NEK11: variants seen among roughly 807,000 people sequenced by gnomAD.
The protein encoded by NEK11 is serine/threonine-protein kinase Nek11.
In NEK11, 72 loss-of-function variants were observed where a neutral mutation model predicts 80.7. That is an observed-to-expected ratio of 0.89 (90% CI 0.74 to 1.08). NEK11 has a LOEUF of 1.08. NEK11 is among the 50% of genes least tolerant of loss of function. The pLI, the probability that NEK11 is intolerant of heterozygous loss-of-function variation, is 0.00. For missense variants in NEK11, 764 were observed against 763.6 expected (o/e 1.00, Z -0.01); for synonymous variants, 251 against 260.7 (o/e 0.96, Z 0.36).
chr3:131,089,836 C>A (rs1441820126), intron 4 of NEK11, among the ~76,000 whole-genome samples: 1 of 151,014 alleles, frequency 6.6e-6, no homozygotes, highest in African/African-American at 2.4e-5. Context: ...GATTTTGATG[C>A]ATAATATTTG....
chr3:131,138,588 G>C (rs2086148146), intron 7 of NEK11, among the ~76,000 whole-genome samples: 1 of 151,952 alleles, frequency 6.6e-6, no homozygotes, highest in Non-Finnish European at 1.5e-5. Context: ...GTAGTTATGG[G>C]GGCCTTGGAC....
chr3:131,282,810 A>G (rs1314749574), intron 17 of NEK11, among the ~76,000 whole-genome samples: 1 of 152,208 alleles, frequency 6.6e-6, no homozygotes, highest in Non-Finnish European at 1.5e-5. Context: ...AATCACTTGT[A>G]AAAATGATGG....
intron 9 of NEK11, among the ~76,000 whole-genome samples, 177 bp downstream of exon 9, chr3:131,152,886 C>T (rs1212674046): frequency 1.3e-5 from 2 of 152,060 alleles, no homozygotes; most frequent in African/African-American, 4.8e-5. Flanking sequence ...GAGATCGAGA[C>T]CATCCTGGCC....
intron 7 of NEK11, among the ~76,000 whole-genome samples, chr3:131,136,372 T>A (rs1320963685): frequency 6.6e-6 from 1 of 152,200 alleles, no homozygotes; most frequent in Non-Finnish European, 1.5e-5. Context: ...GTAGACACTC[T>A]GAGAAAAATT....
intron 12 of NEK11, among the ~76,000 whole-genome samples, chr3:131,167,651 C>CA (rs1275944145): frequency 1.3e-5 from 2 of 152,052 alleles, no homozygotes; most frequent in Non-Finnish European, 2.9e-5. Flanking sequence ...GGCAGCATCC[C>CA]AAAAAATGTT....
intron 17 of NEK11, among the ~76,000 whole-genome samples, chr3:131,288,450 C>CTTTCTTTCTTTCTTTTTTTTTTTTTTTTT (rs536834704): frequency 1.7e-5 from 2 of 115,396 alleles, no homozygotes; most frequent in Non-Finnish European, 3.7e-5. Flanking sequence ...TTCTTTCTTT[C>CTTTCTTTCTTTCTTTTTTTTTTTTTTTTT]TTTTTTTTTT....
chr3:131,039,658 A>T (rs2066164037), intron 3 of NEK11, among the ~76,000 whole-genome samples: 1 of 152,216 alleles, frequency 6.6e-6, no homozygotes, highest in Non-Finnish European at 1.5e-5. Context: ...TTTTGAACTG[A>T]AAATTTTAGT....
chr3:131,180,357 T>C (rs2093277467), intron 14 of NEK11, among the ~76,000 whole-genome samples: 1 of 152,196 alleles, frequency 6.6e-6, no homozygotes, highest in Non-Finnish European at 1.5e-5. Context: ...AACCCAAATA[T>C]ATAATTGAAT....
In NEK11 at chr3:131,126,959, C is replaced by CTTT. The variant is rs71133688; in HGVS notation, c.456-5765_456-5763dup. Among the ~76,000 whole-genome samples the CTTT allele has an allele frequency of 2.7e-3, 247 of 90,098 alleles. 8 individuals carry two copies. The highest frequency in any genetic ancestry group is 9.7e-3 in the African/African-American group (209 of 21,460). The allele number at this position is 90,098 out of a possible 152,430, so 59.1% of individuals were successfully genotyped here. On this transcript the variant is annotated intron_variant, in intron 5 of 17. Transcript: ENST00000383366. ...ATGTTTTCTTTTTCTTTCTTTCTTT[C>CTTT]TTTTTTTTTTTTTTTTTTTTTTTGA...
intron 17 of NEK11, among the ~76,000 whole-genome samples, chr3:131,295,508 G>T (rs1049145585): frequency 1.3e-5 from 2 of 152,152 alleles, no homozygotes; most frequent in African/African-American, 4.8e-5. Flanking sequence ...AGTTAGAAAT[G>T]AGTGCACATC....
At chr3:131,080,327 A>T in intron 3 of NEK11, 96 bp from the exon 4 acceptor site, 1 of 879,816 alleles carries the variant, frequency 1.1e-6, no homozygotes, top group Non-Finnish European at 1.7e-6. Context: ...AGTAGGTCAC[A>T]ACCTGGGCAT....
intron 17 of NEK11, among the ~76,000 whole-genome samples, chr3:131,302,124 G>T (rs997299518): frequency 1.4e-4 from 21 of 151,922 alleles, no homozygotes; most frequent in African/African-American, 4.3e-4. Context: ...GTTTCTTCCA[G>T]GTTTTTCAGT....
intron 14 of NEK11, among the ~76,000 whole-genome samples, chr3:131,172,924 A>T (rs2150081102): frequency 6.6e-6 from 1 of 152,338 alleles, no homozygotes; most frequent in African/African-American, 2.4e-5. Flanking sequence ...ATTGCTCATT[A>T]TATGTAAATT....
intron 17 of NEK11, among the ~76,000 whole-genome samples, chr3:131,314,783 G>A (rs2096819655): frequency 6.6e-6 from 1 of 152,292 alleles, no homozygotes; most frequent in Non-Finnish European, 1.5e-5. Context: ...CTTGACTTCA[G>A]TTGTCCTGGG....
chr3:131,150,735 T>C (rs544395754), intron 7 of NEK11, among the ~76,000 whole-genome samples: 2 of 152,176 alleles, frequency 1.3e-5, no homozygotes, highest in Admixed American at 1.3e-4. Flanking sequence ...CAAGATATTG[T>C]TAATTTTATT....
rs572928770 is a variant in NEK11 at position 131,310,409 on chromosome 3, C to T, written c.1718+36835C>T. Among the ~76,000 whole-genome samples, 15 of 152,204 alleles carry T rather than the reference C, an allele frequency of 9.9e-5. No individual in the cohort carries two copies. The South Asian group carries it at 1.0e-3, about 11-fold the overall frequency. On this transcript the variant is annotated intron_variant, in intron 17 of 17. Transcript: ENST00000383366. ...CTGGGTTTTAATGTGATGATTAATACGAGGTGATTACAGGAGATACCTCAT... is the reference window on the plus strand; with the variant it reads ...CTGGGTTTTAATGTGATGATTAATATGAGGTGATTACAGGAGATACCTCAT...
At chr3:131,098,866 T>A (rs935084284) in intron 4 of NEK11, among the ~76,000 whole-genome samples, 4 of 152,130 alleles carry the variant, frequency 2.6e-5, no homozygotes, top group Non-Finnish European at 5.9e-5. Context: ...TCCTTATAGA[T>A]TCTGGATATT....
chr3:131,312,186 T>C (rs904057486), intron 17 of NEK11, among the ~76,000 whole-genome samples: 8 of 152,202 alleles, frequency 5.3e-5, no homozygotes, highest in Non-Finnish European at 1.2e-4. Flanking sequence ...TCAGGGAGAC[T>C]TGGACTCCGA....
At chr3:131,179,371 A>G (rs186285016) in intron 14 of NEK11, among the ~76,000 whole-genome samples, 43 of 152,354 alleles carry the variant, frequency 2.8e-4, no homozygotes, top group Non-Finnish European at 4.7e-4. Context: ...ACAGTTTCCT[A>G]TGCAGATTTC....
Sources: gnomAD v4.1 joint callset for allele counts (sites outside exome capture counted in the v4.1 genomes callset) on GRCh38, gnomAD v4.1.1 for gene constraint, MANE v1.5 for transcripts, NCBI Gene and HGNC (gene_info 2026-07-23, HGNC 2026-07-21) for gene names.